Variants in MSI2 observed in about 807,000 individuals in gnomAD.
MSI2 encodes the protein RNA-binding protein Musashi homolog 2.
MSI2 carries 17 observed loss-of-function variants against 45.6 expected under a neutral mutation model. The observed-to-expected ratio is 0.37, with a 90% CI of 0.26 to 0.56. The LOEUF (loss-of-function observed/expected upper bound fraction) is 0.56, where lower values mean the gene tolerates loss of function less well. Among genes scored for constraint, MSI2 ranks in the 20% least tolerant of loss-of-function variants. The pLI is 0.77. For synonymous variants in MSI2, 156 were observed against 158.2 expected (o/e 0.99, Z 0.11); for missense variants, 293 against 444.2 (o/e 0.66, Z 3.06).
At position 57,258,152 on chromosome 17, in the gene MSI2, G is replaced by T. The variant is rs553703491; in HGVS notation, c.186-118G>T. The T allele has an allele frequency of 3.9e-5, 30 of 760,174 alleles. No homozygotes were observed. In the African/African-American group the frequency reaches 4.9e-4, roughly 12 times the overall value. 47.1% of individuals were successfully genotyped at this position (760,174 alleles called of 1,614,324 possible). A position where few individuals can be genotyped will look rare whatever the true frequency, so the allele number is the denominator to read the frequency against. Reference sequence around the variant, plus strand: ...GGGGAATTGGAGGAGGGGAGTGGGAGGTGGGGGTGCGTGGGGGGCAACTTT... The same window carrying T: ...GGGGAATTGGAGGAGGGGAGTGGGATGTGGGGGTGCGTGGGGGGCAACTTT... On this transcript the variant is annotated intron_variant, in intron 3 of 13. Coordinates refer to ENST00000284073, the MANE Select transcript of MSI2 (RefSeq NM_138962.4).
At chr17:57,697,712 G>A in the MSI2 span, among the ~76,000 whole-genome samples, 7 of 152,178 alleles carry the variant, frequency 4.6e-5, no homozygotes, top group African/African-American at 1.7e-4. Flanking sequence ...GCTGACAAGG[G>A]AGAATGAGAG....
At chr17:57,318,326 C>T (rs549698551) in intron 5 of MSI2, among the ~76,000 whole-genome samples, 11 of 152,118 alleles carry the variant, frequency 7.2e-5, no homozygotes, top group Middle Eastern at 3.4e-3. Flanking sequence ...GCTCTTTCAT[C>T]GGAGCCTTTC....
At chr17:57,506,870 CA>C (rs1383018593) in intron 6 of MSI2, among the ~76,000 whole-genome samples, 1 of 152,074 alleles carries the variant, frequency 6.6e-6, no homozygotes, top group African/African-American at 2.4e-5. Flanking sequence ...AGATTTCTGA[CA>C]GCTAGGAAAT....
chr17:57,523,971 G>C (rs1567876525), intron 6 of MSI2, among the ~76,000 whole-genome samples: 1 of 152,214 alleles, frequency 6.6e-6, no homozygotes, highest in Non-Finnish European at 1.5e-5. Flanking sequence ...GGCAGTAACT[G>C]TTTATCTCAC....
At chr17:57,612,751 A>G (rs1024246193) in intron 8 of MSI2, among the ~76,000 whole-genome samples, 5 of 152,224 alleles carry the variant, frequency 3.3e-5, no homozygotes, top group African/African-American at 1.2e-4. Context: ...TGAAAATTGT[A>G]TAAACCTGAG....
At chr17:57,447,271 T>C (rs1287511945) in intron 6 of MSI2, among the ~76,000 whole-genome samples, 2 of 152,076 alleles carry the variant, frequency 1.3e-5, no homozygotes, top group Non-Finnish European at 2.9e-5. Context: ...TGTTTCGTTA[T>C]TTATTTATTT....
At chr17:57,579,632 C>T (rs994487521) in intron 7 of MSI2, among the ~76,000 whole-genome samples, 4 of 152,182 alleles carry the variant, frequency 2.6e-5, no homozygotes, top group African/African-American at 4.8e-5. Flanking sequence ...CCTGAGCAGC[C>T]GCCCCTTGGA....
chr17:57,653,184 G>A (rs1332155330), intron 11 of MSI2, among the ~76,000 whole-genome samples: 1 of 152,208 alleles, frequency 6.6e-6, no homozygotes, highest in Non-Finnish European at 1.5e-5. Context: ...CCCACACCCT[G>A]GGTGATGAGA....
chr17:57,454,523 A>G (rs1414342544), intron 6 of MSI2, among the ~76,000 whole-genome samples: 2 of 144,408 alleles, frequency 1.4e-5, no homozygotes, highest in Non-Finnish European at 3.0e-5. Flanking sequence ...TGCAACCTCC[A>G]ACTCCCTGGT....
chr17:57,584,255 C>G (rs1483780826), intron 7 of MSI2, among the ~76,000 whole-genome samples: 6 of 152,232 alleles, frequency 3.9e-5, no homozygotes, highest in Admixed American at 2.6e-4. Context: ...CACAGCTTCT[C>G]AGAGAAATCT....
chr17:57,493,683 C>G (rs118085729), intron 6 of MSI2, among the ~76,000 whole-genome samples: 2,531 of 150,896 alleles, frequency 0.017, 48 homozygotes, highest in Non-Finnish European at 0.024. Context: ...CTCCTAGTCA[C>G]GAGAAGGAGT....
At chr17:57,530,342 A>G (rs917408709) in intron 7 of MSI2, among the ~76,000 whole-genome samples, 2 of 152,338 alleles carry the variant, frequency 1.3e-5, no homozygotes, top group South Asian at 2.1e-4. Context: ...TCATATGTTT[A>G]TACTTTTCTT....
chr17:57,665,807 A>G (rs562188120), intron 11 of MSI2, among the ~76,000 whole-genome samples: 53 of 152,228 alleles, frequency 3.5e-4, no homozygotes, highest in African/African-American at 1.3e-3. Context: ...GGGGAGTTCT[A>G]GCGAGGGCCC....
intron 6 of MSI2, among the ~76,000 whole-genome samples, chr17:57,460,844 C>T (rs2085212904): frequency 6.6e-6 from 1 of 152,006 alleles, no homozygotes; most frequent in South Asian, 2.1e-4. Flanking sequence ...ACTGAAATGG[C>T]AGAGTGTGTT....
chr17:57,320,131 C>T (rs1189102957), intron 5 of MSI2, among the ~76,000 whole-genome samples: 2 of 152,174 alleles, frequency 1.3e-5, no homozygotes, highest in East Asian at 3.8e-4. Flanking sequence ...TGGACACTTG[C>T]TGCTGAACTG....
chr17:57,332,293 G>T (rs1002364950), intron 5 of MSI2, among the ~76,000 whole-genome samples: 1 of 152,074 alleles, frequency 6.6e-6, no homozygotes, highest in Non-Finnish European at 1.5e-5. Flanking sequence ...TAGAGATGGG[G>T]TTTCTCCATG....
chr17:57,298,899 T>A (rs1243709190), intron 5 of MSI2, among the ~76,000 whole-genome samples: 1 of 152,220 alleles, frequency 6.6e-6, no homozygotes, highest in Non-Finnish European at 1.5e-5. Flanking sequence ...TAGATGCCAT[T>A]TTCTTCCAAT....
intron 5 of MSI2, among the ~76,000 whole-genome samples, chr17:57,299,977 G>A (rs546437026): frequency 2.6e-5 from 4 of 152,302 alleles, no homozygotes; most frequent in Admixed American, 2.6e-4. Context: ...AAGGCCTTCG[G>A]GGATGCAGGG....
chr17:57,337,117 C>T (rs1295972532), intron 5 of MSI2, among the ~76,000 whole-genome samples: 2 of 152,210 alleles, frequency 1.3e-5, no homozygotes, highest in African/African-American at 2.4e-5. Flanking sequence ...TCTTTTGGCT[C>T]TTAAAATTCT....
Sources: allele counts gnomAD v4.1 joint callset (sites outside exome capture counted in the v4.1 genomes callset), GRCh38; gene constraint gnomAD v4.1.1; transcripts MANE v1.5; gene names NCBI Gene and HGNC (gene_info 2026-07-23, HGNC 2026-07-21).